The following ZNF84 variants were observed in gnomAD, a reference collection of about 807,000 sequenced individuals.
ZNF84 encodes zinc finger protein HPF2.
ZNF84 carries 12 observed loss-of-function variants against 14.8 expected under a neutral mutation model. The observed-to-expected ratio is 0.81, with a 90% CI of 0.52 to 1.31. The LOEUF (loss-of-function observed/expected upper bound fraction) is 1.31. Among genes scored for constraint, ZNF84 ranks in the 50% most tolerant of loss-of-function variants. The pLI is 0.00. For synonymous variants in ZNF84, 347 were observed against 291.1 expected (o/e 1.19, Z -1.96); for missense variants, 859 against 878.6 (o/e 0.98, Z 0.28).
Position 133,048,097 on chromosome 12 carries a change from T to C in ZNF84, c.142+16T>C, listed in dbSNP as rs200569065. On this transcript the variant is annotated intron_variant, in intron 3 of 4. Transcript: ENST00000539354. ...GTGTCACTGGGTAATAAAAGCTTTC[T>C]TGAGGACCTTGGACTATGCCCAATG... 1.9e-4 allele frequency: 311 copies of C among 1,611,904 alleles called. No individual in the cohort carries two copies. The highest frequency in any genetic ancestry group is 2.8e-4 in the Admixed American group (17 of 59,974).
Position 133,057,152 on chromosome 12 carries a change from C to T in ZNF84, c.437C>T (p.Pro146Leu). 1 of 1,610,792 alleles carries T rather than the reference C, an allele frequency of 6.2e-7. No homozygotes were observed. The highest frequency in any genetic ancestry group is 2.2e-5 in the East Asian group (1 of 44,822). ...ILKHHLDLLIPKGDYGKAESD... is the reference protein window; with the variant it reads ...ILKHHLDLLILKGDYGKAESD... The stretch of plus-strand genomic sequence containing the variant: ...AAACATCATTTAGATTTGCTTATTC[C>T]AAAAGGAGATTATGGAAAAGCAGAA... Residue 146 changes from proline to leucine, a missense_variant, in exon 5 of 5, where the codon CCA (proline) becomes CTA (leucine). Pro to Leu is a moderately conservative substitution (Grantham distance 98). Coordinates refer to ENST00000539354, the MANE Select transcript of ZNF84 (RefSeq NM_001289971.2).
At chr12:133,050,651 A>G (rs1954054549) in intron 4 of ZNF84, 3 of 398,022 alleles carry the variant, frequency 7.5e-6, no homozygotes, top group Middle Eastern at 6.2e-4. Flanking sequence ...TTTTGATGGT[A>G]TTATACTAGT....
intron 4 of ZNF84, chr12:133,050,578 C>T (rs1954053818): frequency 2.5e-6 from 1 of 398,496 alleles, no homozygotes; most frequent in African/African-American, 2.1e-5. Flanking sequence ...TTCCTATCTC[C>T]CATTCATGGT....
intron 1 of ZNF84, among the ~76,000 whole-genome samples, chr12:133,040,231 G>A (rs1407739811): frequency 1.3e-5 from 2 of 151,886 alleles, no homozygotes; most frequent in African/African-American, 4.8e-5. Flanking sequence ...GATTTTTAGT[G>A]TAGTTGACCA....
chr12:133,051,116 T>TC (rs1184118730), intron 4 of ZNF84, among the ~76,000 whole-genome samples: 1 of 150,408 alleles, frequency 6.6e-6, no homozygotes, highest in Non-Finnish European at 1.5e-5. Flanking sequence ...TTTTTGGTTT[T>TC]TTTTTTTGTT....
intron 4 of ZNF84, among the ~76,000 whole-genome samples, chr12:133,053,864 G>A (rs1245391942): frequency 6.6e-6 from 1 of 152,196 alleles, no homozygotes; most frequent in African/African-American, 2.4e-5. Flanking sequence ...AAACCTAAGG[G>A]TAATTCTTGA....
rs200729061 is a variant in ZNF84 at position 133,057,973 on chromosome 12, A to T, written c.1258A>T (p.Asn420Tyr). Residue 420 changes from asparagine to tyrosine, a missense_variant, in exon 5 of 5, where the codon AAT becomes TAT. Transcript: ENST00000539354. The stretch of plus-strand genomic sequence containing the variant: ...ATTTAGAGAGAGGTCGAGTCTCATT[A>T]ATCATCAGAGAACACATACAGGAGA... ...KAFRERSSLI[N>Y]HQRTHTGEKP... The T allele has an allele frequency of 5.6e-5, 91 of 1,613,540 alleles. No homozygotes were observed. In the Admixed American group the frequency reaches 6.5e-4, roughly 12 times the overall value.
At chr12:133,047,878 T>A in intron 2 of ZNF84, 77 bp from the exon 3 acceptor site, 1 of 1,532,270 alleles carries the variant, frequency 6.5e-7, no homozygotes, top group Non-Finnish European at 9.0e-7. Context: ...GAGAATGAAG[T>A]GCTAAAGCTC....
chr12:133,049,511 T>C (rs1437946152), intron 4 of ZNF84, among the ~76,000 whole-genome samples: 1 of 151,910 alleles, frequency 6.6e-6, no homozygotes, highest in East Asian at 1.9e-4. Flanking sequence ...TGAGATAGAG[T>C]CTTGTTCTGT....
intron 4 of ZNF84, among the ~76,000 whole-genome samples, chr12:133,055,087 A>G (rs1463853018): frequency 2.6e-5 from 4 of 152,206 alleles, no homozygotes; most frequent in African/African-American, 9.6e-5. Flanking sequence ...AAACACAAAT[A>G]TTATGTAACA....
Position 133,058,613 on chromosome 12 carries a change from G to A in ZNF84, c.1898G>A (p.Arg633Lys). The A allele has an allele frequency of 1.2e-6, 2 of 1,614,176 alleles. No individual in the cohort carries two copies. Among genetic ancestry groups the A allele is most frequent in the Non-Finnish European group, 1.7e-6 (2 of 1,180,022 alleles). The change falls in exon 5 of 5, where the codon AGA (arginine) becomes AAA (lysine). Residue 633 changes from arginine to lysine, a missense_variant. By Grantham distance (26) the Arg-to-Lys change is conservative. Transcript: ENST00000539354. ...GEKPYECNECRKAFREKSSLI... is the reference protein window; with the variant it reads ...GEKPYECNECKKAFREKSSLI... The stretch of plus-strand genomic sequence containing the variant: ...AAACCTTATGAATGCAATGAATGTA[G>A]AAAAGCCTTCAGGGAGAAGTCAAGT...
chr12:133,063,232 A>G lies in ZNF84; in HGVS notation c.*4300A>G. 2.8e-6 allele frequency: 2 copies of G among 702,292 alleles called. No individual in the cohort carries two copies. Among genetic ancestry groups the G allele is most frequent in the Non-Finnish European group, 5.2e-6 (2 of 384,816 alleles). The allele number at this position is 702,292 out of a possible 1,614,324, so 43.5% of individuals were successfully genotyped here. On this transcript the variant is annotated 3_prime_UTR_variant, in exon 5 of 5. Transcript: ENST00000539354. The stretch of plus-strand genomic sequence containing the variant: ...GTTCAGGTCCACCTCTGCCCTTTTC[A>G]TGTCTTGATTGTTGAATTCTTCTGT...
chr12:133,044,756 T>C (rs1265795208), intron 2 of ZNF84, among the ~76,000 whole-genome samples: 1 of 151,588 alleles, frequency 6.6e-6, no homozygotes, highest in African/African-American at 2.4e-5. Context: ...TCTATAATAA[T>C]ACAAAAAATT....
chr12:133,052,571 G>A (rs1954090014), intron 4 of ZNF84, among the ~76,000 whole-genome samples: 1 of 152,180 alleles, frequency 6.6e-6, no homozygotes, highest in Admixed American at 6.5e-5. Flanking sequence ...CAGGGTTCAA[G>A]TAATCTGCCT....
Position 133,048,761 on chromosome 12 carries a change from G to C in ZNF84, c.151G>C (p.Val51Leu). 6.2e-7 allele frequency: 1 copy of C among 1,613,650 alleles called. No homozygotes were observed. The highest frequency in any genetic ancestry group is 1.7e-5 in the Admixed American group (1 of 60,004). ...YSSLVSLGYE[V>L]MKPDVIFKLE... Reference sequence around the variant, plus strand: ...GATTTTTCCCTTAACAGGGTATGAAGTTATGAAACCAGATGTCATCTTCAA... The same window carrying C: ...GATTTTTCCCTTAACAGGGTATGAACTTATGAAACCAGATGTCATCTTCAA... Residue 51 changes from valine (V) to leucine (L), a missense_variant, in exon 4 of 5, where the codon GTT (valine) becomes CTT (leucine). Physicochemically the swap from Val to Leu is conservative, Grantham distance 32. Transcript: ENST00000539354.
Position 133,063,166 on chromosome 12 carries a change from G to A in ZNF84, c.*4234G>A, listed in dbSNP as rs1275007495. On this transcript the variant is annotated 3_prime_UTR_variant, in exon 5 of 5. Coordinates refer to ENST00000539354, the MANE Select transcript of ZNF84 (RefSeq NM_001289971.2). ...ATGATGAAAGCAAAATCAAGAAAGA[G>A]TCCCGATTGTGTTCCAGTACCTGGT... The A allele has an allele frequency of 1.1e-5, 8 of 702,234 alleles. No homozygotes were observed. The highest frequency in any genetic ancestry group is 2.1e-5 in the Non-Finnish European group (8 of 384,838). 43.5% of individuals were successfully genotyped at this position (702,234 alleles called of 1,614,324 possible). A position where few individuals can be genotyped will look rare whatever the true frequency, so the allele number is the denominator to read the frequency against.
rs2137424768 is a variant in ZNF84, at chr12:133,058,365, G to T, written c.1650G>T (p.Lys550Asn). The change falls in exon 5 of 5, where the codon AAG becomes AAT. Residue 550 changes from lysine to asparagine, a missense_variant. Transcript: ENST00000539354. ...CCTATGAATGCAGTGAATGTGGGAA[G>T]GCCTTTGGTGAGAAGTCAAGTCTTG... ...EKPYECSECG[K>N]AFGEKSSLAT... The T allele has an allele frequency of 6.2e-6, 10 of 1,613,418 alleles. No individual in the cohort carries two copies. The highest frequency in any genetic ancestry group is 8.5e-6 in the Non-Finnish European group (10 of 1,179,878).
chr12:133,057,462 GT>G lies in ZNF84; in HGVS notation c.750del (p.Phe250LeufsTer202). On this transcript the variant is annotated frameshift_variant, in exon 5 of 5. Coordinates refer to ENST00000539354, the MANE Select transcript of ZNF84 (RefSeq NM_001289971.2). LOFTEE classifies it low-confidence loss of function (END_TRUNC). The stretch of plus-strand genomic sequence containing the variant: ...GCAAAACCTTTCCCCAGAAGTCTCA[GT>G]TTATTACACATCACAGAACTCATAC... The part of the protein sequence containing the change: ...CGKTFPQKSQ[F>X]ITHHRTHTGE... 1 of 1,614,132 alleles carries G rather than the reference GT, an allele frequency of 6.2e-7. No homozygotes were observed. The highest frequency in any genetic ancestry group is 8.5e-7 in the Non-Finnish European group (1 of 1,179,986).
chr12:133,040,860 A>G (rs1388579964), intron 1 of ZNF84: 1 of 152,214 alleles, frequency 6.6e-6, no homozygotes, highest in Non-Finnish European at 1.5e-5. Flanking sequence ...GGATATATTA[A>G]TAGAAGATTT....
Sources: gnomAD v4.1 joint callset for allele counts (sites outside exome capture counted in the v4.1 genomes callset) on GRCh38, gnomAD v4.1.1 for gene constraint, MANE v1.5 for transcripts, NCBI Gene and HGNC (gene_info 2026-07-23, HGNC 2026-07-21) for gene names.